The following BRINP2 variants were observed in gnomAD, a reference collection of about 807,000 sequenced individuals.
BRINP2 encodes BMP/retinoic acid-inducible neural-specific protein 2.
A neutral mutation model predicts 69.2 loss-of-function variants in BRINP2; 21 were observed. That is an observed-to-expected ratio of 0.30 (90% CI 0.22 to 0.44). The LOEUF (loss-of-function observed/expected upper bound fraction) is 0.44. Among genes scored for constraint, BRINP2 ranks in the 20% least tolerant of loss-of-function variants. The pLI is 1.00. For missense variants in BRINP2, 877 were observed against 986.0 expected, an observed-to-expected ratio of 0.89 and a Z score of 1.48; for synonymous variants, 380 against 394.1, an observed-to-expected ratio of 0.96 and a Z score of 0.42.
At chr1:177,197,516 A>G (rs1331231743) in intron 1 of BRINP2, among the ~76,000 whole-genome samples, 1 of 152,168 alleles carries the variant, frequency 6.6e-6, no homozygotes, top group African/African-American at 2.4e-5. Context: ...GAGAGAGAGA[A>G]GCCATGTGAG....
chr1:177,279,132 C>T (rs1296572227), intron 7 of BRINP2, among the ~76,000 whole-genome samples: 4 of 152,138 alleles, frequency 2.6e-5, no homozygotes, highest in Non-Finnish European at 5.9e-5. Flanking sequence ...ATGAAAAACA[C>T]ACACACTGGC....
intron 4 of BRINP2, among the ~76,000 whole-genome samples, chr1:177,269,738 G>A (rs187993345): frequency 1.4e-4 from 21 of 152,266 alleles, no homozygotes; most frequent in Middle Eastern, 3.4e-3. Context: ...GAAAGTGGAC[G>A]GTGGAGGGTG....
chr1:177,220,697 A>G (rs1242583474), intron 1 of BRINP2, among the ~76,000 whole-genome samples: 1 of 152,174 alleles, frequency 6.6e-6, no homozygotes, highest in African/African-American at 2.4e-5. Flanking sequence ...CCTTAGATGG[A>G]CATGCGGAGA....
rs773949181 is a variant in BRINP2 at position 177,280,841 on chromosome 1, G to A, written c.1665G>A (p.Lys555=). Residue 555 remains lysine (K), a synonymous_variant, in exon 8 of 8, where the codon AAG becomes AAA. Transcript: ENST00000361539. ...SWRKRMLLTL[K]SNKYKPGLVH... ...GGAAGCGCATGCTGCTCACCCTGAA[G>A]AGCAACAAGTACAAGCCTGGGCTGG... 26 of 1,613,928 alleles carry A rather than the reference G, an allele frequency of 1.6e-5. No homozygotes were observed. Among genetic ancestry groups the A allele is most frequent in the Non-Finnish European group, 2.0e-5 (24 of 1,179,950 alleles).
chr1:177,270,900 G>A (rs1334947500), intron 4 of BRINP2, among the ~76,000 whole-genome samples: 1 of 152,158 alleles, frequency 6.6e-6, no homozygotes, highest in African/African-American at 2.4e-5. Context: ...AGAAAGTGAA[G>A]ACTTCACCTT....
Position 177,281,743 on chromosome 1 carries a change from C to T in BRINP2, c.*215C>T, listed in dbSNP as rs1651712568. On this transcript the variant is annotated 3_prime_UTR_variant, in exon 8 of 8. Transcript: ENST00000361539. ...ATACACACACACACACACACACTGG[C>T]ACAGGGAGGCTACAACTAAGCAGCC... 1.3e-5 allele frequency: 6 copies of T among 478,514 alleles called. No homozygotes were observed. The East Asian group carries it at 2.1e-4, about 16-fold the overall frequency. 29.6% of individuals were successfully genotyped at this position (478,514 alleles called of 1,614,324 possible). A position where few individuals can be genotyped will look rare whatever the true frequency, so the allele number is the denominator to read the frequency against.
At chr1:177,278,294 C>T (rs1651567280) in intron 6 of BRINP2, among the ~76,000 whole-genome samples, 1 of 151,260 alleles carries the variant, frequency 6.6e-6, no homozygotes, top group Admixed American at 6.6e-5. Flanking sequence ...AACTCTGGCC[C>T]CTCTGAGGGT....
rs1651497241 is a variant in BRINP2, at chr1:177,276,402, G to A, written c.980G>A (p.Trp327Ter). Residue 327 changes from tryptophan to a stop codon, truncating the protein, a stop_gained, in exon 6 of 8, where the codon TGG becomes TAG. Coordinates refer to ENST00000361539, the MANE Select transcript of BRINP2 (RefSeq NM_021165.4). LOFTEE classifies it high-confidence loss of function. Reference sequence around the variant, plus strand: ...AGCCTGCTGCAGATCCAGGACTCCTGGGCCACTCACAACCGGCAGTTTGAA... The same window carrying A: ...AGCCTGCTGCAGATCCAGGACTCCTAGGCCACTCACAACCGGCAGTTTGAA... ...EDSLLQIQDS[W>*]ATHNRQFEES... 6.2e-7 allele frequency: 1 copy of A among 1,614,008 alleles called. No individual in the cohort carries two copies. The highest frequency in any genetic ancestry group is 8.5e-7 in the Non-Finnish European group (1 of 1,180,034).
At chr1:177,191,199 T>G (rs575599019) in intron 1 of BRINP2, among the ~76,000 whole-genome samples, 2 of 152,300 alleles carry the variant, frequency 1.3e-5, no homozygotes, top group South Asian at 4.1e-4. Context: ...AAGTGGTGAT[T>G]TGCACATAGA....
intron 4 of BRINP2, among the ~76,000 whole-genome samples, chr1:177,258,317 A>G (rs889443177): frequency 1.3e-5 from 2 of 152,258 alleles, no homozygotes; most frequent in Non-Finnish European, 2.9e-5. Flanking sequence ...TCCTGCTTTT[A>G]TCCCATGTGA....
In BRINP2 at chr1:177,281,329, T is replaced by G; in HGVS notation, c.2153T>G (p.Leu718Trp). The G allele has an allele frequency of 6.2e-7, 1 of 1,614,184 alleles. No individual in the cohort carries two copies. The highest frequency in any genetic ancestry group is 2.2e-5 in the East Asian group (1 of 44,866). ...YTQGSQDSAL[L>W]QLIELRDRVN... is the part of the protein sequence containing the mutation. ...CAAGGTTCCCAGGACTCTGCACTCT[T>G]GCAGCTCATTGAGCTCAGGGACCGG... Residue 718 changes from leucine to tryptophan, a missense_variant, in exon 8 of 8, where the codon TTG becomes TGG. By Grantham distance (61) the Leu-to-Trp change is moderately conservative (BLOSUM62 -2). Coordinates refer to ENST00000361539, the MANE Select transcript of BRINP2 (RefSeq NM_021165.4).
chr1:177,175,565 G>T (rs1379110068), intron 1 of BRINP2, among the ~76,000 whole-genome samples: 2 of 152,178 alleles, frequency 1.3e-5, no homozygotes, highest in East Asian at 1.9e-4. Context: ...TGTTTTTCAT[G>T]CTGCAAGTCA....
At position 177,281,157 on chromosome 1, in the gene BRINP2, A is replaced by C. The variant is rs776759875; in HGVS notation, c.1981A>C (p.Ile661Leu). The change falls in exon 8 of 8, where the codon ATC becomes CTC. Residue 661 changes from isoleucine to leucine, a missense_variant. Transcript: ENST00000361539. ...KSLDDSSNET[I>L]YYEPLEMTDP... ...CCTGGATGACAGCTCCAATGAGACA[A>C]TCTACTATGAGCCCCTGGAGATGAC... 2.5e-6 allele frequency: 4 copies of C among 1,614,092 alleles called. No homozygotes were observed. Among genetic ancestry groups the C allele is most frequent in the Non-Finnish European group, 3.4e-6 (4 of 1,180,038 alleles).
At chr1:177,176,488 A>G (rs1648089868) in intron 1 of BRINP2, among the ~76,000 whole-genome samples, 2 of 150,366 alleles carry the variant, frequency 1.3e-5, no homozygotes, top group Non-Finnish European at 3.0e-5. Context: ...CTACTAGAAA[A>G]GTTAAAATTA....
chr1:177,278,795 C>G lies in BRINP2; in HGVS notation c.1235+10C>G. On this transcript the variant is annotated intron_variant, in intron 7 of 7. Coordinates refer to ENST00000361539, the MANE Select transcript of BRINP2 (RefSeq NM_021165.4). ...GCCTGCCCAAGGAGAGGTGAGCACCCCCTGGCTGCTACAGCCAGAGCTCAG... is the reference window on the plus strand; with the variant it reads ...GCCTGCCCAAGGAGAGGTGAGCACCGCCTGGCTGCTACAGCCAGAGCTCAG... 6.2e-7 allele frequency: 1 copy of G among 1,613,234 alleles called. No homozygotes were observed.
chr1:177,205,650 T>C (rs564009911), intron 1 of BRINP2, among the ~76,000 whole-genome samples: 13 of 152,280 alleles, frequency 8.5e-5, no homozygotes, highest in Admixed American at 7.8e-4. Flanking sequence ...ATGCTAAGTT[T>C]ATTGGGTAAC....
intron 2 of BRINP2, among the ~76,000 whole-genome samples, chr1:177,235,945 G>A (rs1312121042): frequency 3.3e-5 from 5 of 152,170 alleles, no homozygotes; most frequent in East Asian, 1.9e-4. Flanking sequence ...CTGGGTTTGC[G>A]TTTTGACCAT....
chr1:177,279,301 C>T (rs927714581), intron 7 of BRINP2, among the ~76,000 whole-genome samples: 1 of 152,154 alleles, frequency 6.6e-6, no homozygotes, highest in African/African-American at 2.4e-5. Context: ...GTATTCCATG[C>T]CTTACTATTA....
At chr1:177,188,763 A>G (rs553084873) in intron 1 of BRINP2, among the ~76,000 whole-genome samples, 1 of 152,302 alleles carries the variant, frequency 6.6e-6, no homozygotes, top group Admixed American at 6.5e-5. Context: ...ATTTATGTTC[A>G]TTCACAGAGC....
Sources: gnomAD v4.1 joint callset for allele counts (sites outside exome capture counted in the v4.1 genomes callset) on GRCh38, gnomAD v4.1.1 for gene constraint, MANE v1.5 for transcripts, NCBI Gene and HGNC (gene_info 2026-07-23, HGNC 2026-07-21) for gene names.